GLDC: variants seen among roughly 807,000 people sequenced by gnomAD.
GLDC encodes glycine dehydrogenase (decarboxylating), mitochondrial.
In GLDC, 104 loss-of-function variants were observed where a neutral mutation model predicts 121.3. The ratio of observed to expected loss-of-function variants is 0.86; its 90% CI spans 0.73 to 1.01. The LOEUF is 1.01. Among genes scored for constraint, GLDC ranks in the 50% least tolerant of loss-of-function variants. The probability of loss-of-function intolerance (pLI) is 0.00; values close to 1 mark genes in which losing one functional copy is unlikely to be tolerated. For missense variants in GLDC, 1,429 were observed against 1,306.6 expected (o/e 1.09, Z -1.44); for synonymous variants, 546 against 480.6 (o/e 1.14, Z -1.78).
rs1216512740 is a variant in GLDC, at chr9:6,585,925, C to A, written c.1850+1216G>T. Among the ~76,000 whole-genome samples, 3 of 140,954 alleles carry A rather than the reference C, an allele frequency of 2.1e-5. No individual in the cohort carries two copies. In the South Asian group the frequency reaches 6.5e-4, roughly 31 times the overall value. The allele number at this position is 140,954 out of a possible 152,430, so 92.5% of individuals were successfully genotyped here. A position where few individuals can be genotyped will look rare whatever the true frequency, so the allele number is the denominator to read the frequency against. ...CATCGGTCCATCTGTCATCTATCAT[C>A]ATGAAGGCAGAGAGACCACAAATCC... On this transcript the variant is annotated intron_variant, in intron 15 of 24. Coordinates refer to ENST00000321612, the MANE Select transcript of GLDC (RefSeq NM_000170.3).
chr9:6,557,468 C>A (rs1168451374), intron 17 of GLDC, among the ~76,000 whole-genome samples: 1 of 152,096 alleles, frequency 6.6e-6, no homozygotes, highest in Non-Finnish European at 1.5e-5. Flanking sequence ...GTGGCACACG[C>A]CTGTAGTCCC....
chr9:6,619,392 G>A (rs929233667), intron 3 of GLDC, among the ~76,000 whole-genome samples: 2 of 151,868 alleles, frequency 1.3e-5, no homozygotes, highest in African/African-American at 4.8e-5. Context: ...AATTTTGGGG[G>A]TGGGAGGGGA....
intron 15 of GLDC, among the ~76,000 whole-genome samples, chr9:6,571,165 C>G (rs543745980): frequency 1.3e-5 from 2 of 151,470 alleles, no homozygotes; most frequent in African/African-American, 4.8e-5. Context: ...GGAATAGCTA[C>G]TTTTTTTAAA....
chr9:6,591,322 A>T (rs1421671624), intron 11 of GLDC, among the ~76,000 whole-genome samples: 1 of 152,144 alleles, frequency 6.6e-6, no homozygotes, highest in African/African-American at 2.4e-5. Flanking sequence ...TAAGGAGCTC[A>T]TCCTGTGAGC....
intron 15 of GLDC, among the ~76,000 whole-genome samples, chr9:6,566,690 T>A (rs1817861504): frequency 6.6e-6 from 1 of 152,038 alleles, no homozygotes; most frequent in Non-Finnish European, 1.5e-5. Context: ...GGAAGGGAAA[T>A]GAGTAATAGA....
intron 2 of GLDC, among the ~76,000 whole-genome samples, chr9:6,642,251 T>C (rs375370617): frequency 6.6e-6 from 1 of 152,168 alleles, no homozygotes; most frequent in Non-Finnish European, 1.5e-5. Context: ...TTATATGGCA[T>C]GGGCATGGTG....
chr9:6,609,828 G>A (rs1381207672), intron 4 of GLDC, among the ~76,000 whole-genome samples: 1 of 151,966 alleles, frequency 6.6e-6, no homozygotes, highest in Non-Finnish European at 1.5e-5. Context: ...CCAGGCCTGC[G>A]CTTGGCTGCT....
chr9:6,532,713 A>G lies in GLDC; in HGVS notation c.*304T>C. On this transcript the variant is annotated 3_prime_UTR_variant, in exon 25 of 25. Transcript: ENST00000321612. ...AAGTCTCCAGGATAGCCTCTATGAC[A>G]TCTGCAAACTTGCCACATTAAAAGT... 2.6e-6 allele frequency: 1 copy of G among 389,682 alleles called. No individual in the cohort carries two copies. The highest frequency in any genetic ancestry group is 2.3e-5 in the South Asian group (1 of 42,788). The allele number at this position is 389,682 out of a possible 1,614,324, so 24.1% of individuals were successfully genotyped here.
chr9:6,573,927 A>G (rs1818013178), intron 15 of GLDC, among the ~76,000 whole-genome samples: 1 of 152,162 alleles, frequency 6.6e-6, no homozygotes, highest in Non-Finnish European at 1.5e-5. Context: ...TATGATTTTA[A>G]CCAGTGAAAC....
intron 15 of GLDC, among the ~76,000 whole-genome samples, chr9:6,572,048 T>C (rs1040527971): frequency 5.3e-5 from 8 of 152,158 alleles, no homozygotes; most frequent in African/African-American, 1.9e-4. Flanking sequence ...TGTAAATGGA[T>C]CATGGACTTA....
chr9:6,583,616 C>T (rs1319217483), intron 15 of GLDC, among the ~76,000 whole-genome samples: 2 of 152,130 alleles, frequency 1.3e-5, no homozygotes, highest in African/African-American at 4.8e-5. Flanking sequence ...GCCAAGGTTG[C>T]AGTGAGCCAA....
At chr9:6,570,119 A>ATG (rs1056539789) in intron 15 of GLDC, among the ~76,000 whole-genome samples, 2 of 152,228 alleles carry the variant, frequency 1.3e-5, no homozygotes, top group African/African-American at 4.8e-5. Flanking sequence ...CATGAAACCC[A>ATG]TTTTGCAAGA....
intron 8 of GLDC, among the ~76,000 whole-genome samples, chr9:6,595,467 G>A (rs1209187000): frequency 6.6e-6 from 1 of 152,120 alleles, no homozygotes; most frequent in Admixed American, 6.6e-5. Flanking sequence ...AAGCAATAAA[G>A]ACCTCAGGGA....
intron 8 of GLDC, among the ~76,000 whole-genome samples, chr9:6,598,257 C>T (rs1818529954): frequency 6.6e-6 from 1 of 152,138 alleles, no homozygotes; most frequent in Non-Finnish European, 1.5e-5. Flanking sequence ...ATTTAAACTG[C>T]TGAACTCAAG....
chr9:6,565,504 C>T lies in GLDC; in HGVS notation c.1851-75G>A, dbSNP rs541409028. On this transcript the variant is annotated intron_variant, in intron 15 of 24. Transcript: ENST00000321612. Reference sequence around the variant, plus strand: ...TTTACTCATTCAATATTTATTGGGCCCTGGCCAGGGGTTCACCAGCACGTG... The same window carrying T: ...TTTACTCATTCAATATTTATTGGGCTCTGGCCAGGGGTTCACCAGCACGTG... 1.2e-5 allele frequency: 14 copies of T among 1,180,090 alleles called. No homozygotes were observed. The East Asian group carries it at 2.6e-4, about 22-fold the overall frequency. 73.1% of individuals were successfully genotyped at this position (1,180,090 alleles called of 1,614,324 possible). A position where few individuals can be genotyped will look rare whatever the true frequency, so the allele number is the denominator to read the frequency against.
intron 3 of GLDC, among the ~76,000 whole-genome samples, chr9:6,619,885 A>C (rs989743697): frequency 1.3e-5 from 2 of 152,230 alleles, no homozygotes; most frequent in Admixed American, 1.3e-4. Context: ...CAGGTTTCAC[A>C]TCTTACTCAA....
In GLDC at chr9:6,592,804, A is replaced by G. The variant is rs369828043; in HGVS notation, c.1401+47T>C. 7 of 1,564,052 alleles carry G rather than the reference A, an allele frequency of 4.5e-6. No homozygotes were observed. In the African/African-American group the frequency reaches 9.5e-5, roughly 21 times the overall value. On this transcript the variant is annotated intron_variant, in intron 10 of 24. Transcript: ENST00000321612. ...AGAGAAAACCTTTTAATGAGAAACA[A>G]TGTGAAAATTTGAAAAACTGGTAAA...
chr9:6,592,327 T>A, intron 10 of GLDC, 104 bp from the exon 11 acceptor site: 2 of 769,824 alleles, frequency 2.6e-6, no homozygotes, highest in South Asian at 1.4e-5. Context: ...CAAAATCCCA[T>A]CATTCCAAAA....
chr9:6,621,570 T>G (rs564781805), intron 2 of GLDC, among the ~76,000 whole-genome samples: 1 of 152,174 alleles, frequency 6.6e-6, no homozygotes, highest in Non-Finnish European at 1.5e-5. Flanking sequence ...CAGGCTGGAG[T>G]GCAGTGGCTC....
Sources: allele counts gnomAD v4.1 joint callset (sites outside exome capture counted in the v4.1 genomes callset), GRCh38; gene constraint gnomAD v4.1.1; transcripts MANE v1.5; gene names NCBI Gene and HGNC (gene_info 2026-07-23, HGNC 2026-07-21).